Variants in PDGFD observed in about 807,000 individuals in gnomAD.
PDGFD encodes platelet derived growth factor D, also known as platelet-derived growth factor D.
PDGFD carries 30 observed loss-of-function variants against 44.7 expected under a neutral mutation model. That is an observed-to-expected ratio of 0.67 (90% CI 0.50 to 0.91). The LOEUF (loss-of-function observed/expected upper bound fraction) is 0.91, where lower values mean the gene tolerates loss of function less well. Ranked by LOEUF, PDGFD falls within the 40% of genes least tolerant of loss-of-function variation. PDGFD has a pLI of 0.00. For missense variants in PDGFD, 445 were observed against 457.8 expected, an observed-to-expected ratio of 0.97 and a Z score of 0.25; for synonymous variants, 173 against 168.4, an observed-to-expected ratio of 1.03 and a Z score of -0.21.
intron 3 of PDGFD, among the ~76,000 whole-genome samples, chr11:103,949,806 G>A (rs1290731610): frequency 1.3e-5 from 2 of 152,112 alleles, no homozygotes; most frequent in East Asian, 3.9e-4. Context: ...GTTGTACCTG[G>A]GGAGAAAGTG....
chr11:104,016,382 T>C (rs1301396895), intron 1 of PDGFD, among the ~76,000 whole-genome samples: 19 of 152,206 alleles, frequency 1.2e-4, no homozygotes, highest in Admixed American at 1.2e-3. Flanking sequence ...TATTTCTAAA[T>C]ATCTTTTTAA....
intron 3 of PDGFD, among the ~76,000 whole-genome samples, chr11:103,954,938 G>A (rs1443084404): frequency 2.6e-5 from 4 of 151,790 alleles, no homozygotes; most frequent in Admixed American, 2.6e-4. Flanking sequence ...GCCGAGGCGG[G>A]CGGATCACGA....
At chr11:103,969,108 T>C (rs1859063805) in intron 3 of PDGFD, among the ~76,000 whole-genome samples, 1 of 152,206 alleles carries the variant, frequency 6.6e-6, no homozygotes, top group African/African-American at 2.4e-5. Flanking sequence ...ACTTTCACAG[T>C]ATACTTTTTC....
intron 1 of PDGFD, among the ~76,000 whole-genome samples, chr11:104,130,976 T>C (rs1861911289): frequency 1.3e-5 from 2 of 152,200 alleles, no homozygotes. Context: ...TCATTTTGAA[T>C]TCTGATTATA....
At chr11:103,968,300 G>A (rs2134342201) in intron 3 of PDGFD, among the ~76,000 whole-genome samples, 1 of 152,260 alleles carries the variant, frequency 6.6e-6, no homozygotes, top group South Asian at 2.1e-4. Flanking sequence ...CATGAATGAT[G>A]TCTGTCTCCA....
intron 1 of PDGFD, among the ~76,000 whole-genome samples, chr11:104,084,008 ATAGATT>A (rs1565329955): frequency 6.6e-6 from 1 of 152,212 alleles, no homozygotes; most frequent in Non-Finnish European, 1.5e-5. Context: ...CAACTCCTTT[ATAGATT>A]TAAAGTTGCC....
At chr11:103,999,603 C>T (rs1859588020) in intron 2 of PDGFD, among the ~76,000 whole-genome samples, 1 of 152,188 alleles carries the variant, frequency 6.6e-6, no homozygotes, top group South Asian at 2.1e-4. Context: ...CCCCAACCAT[C>T]ATCTCCCAGT....
chr11:104,146,208 C>T (rs79881097), intron 1 of PDGFD, among the ~76,000 whole-genome samples: 189 of 152,238 alleles, frequency 1.2e-3, no homozygotes, highest in African/African-American at 4.2e-3. Flanking sequence ...CTGTGTCACA[C>T]AACATTTAAT....
chr11:104,151,308 T>C (rs1591188136), intron 1 of PDGFD, among the ~76,000 whole-genome samples: 1 of 152,212 alleles, frequency 6.6e-6, no homozygotes, highest in Admixed American at 6.5e-5. Context: ...TGGATTTTCA[T>C]GAACTTTACA....
At chr11:104,141,380 G>A (rs990239989) in intron 1 of PDGFD, among the ~76,000 whole-genome samples, 8 of 149,350 alleles carry the variant, frequency 5.4e-5, no homozygotes, top group Admixed American at 3.3e-4. Flanking sequence ...AAATTGGAAC[G>A]ATACAGAGAT....
At chr11:104,061,615 G>A (rs1448559349) in intron 1 of PDGFD, among the ~76,000 whole-genome samples, 5 of 151,944 alleles carry the variant, frequency 3.3e-5, no homozygotes, top group African/African-American at 7.3e-5. Flanking sequence ...TTTTTTGTTT[G>A]TTTTCTGTTT....
intron 1 of PDGFD, among the ~76,000 whole-genome samples, chr11:104,024,779 G>C (rs1432338860): frequency 6.6e-6 from 1 of 152,198 alleles, no homozygotes; most frequent in Admixed American, 6.5e-5. Context: ...CAATGAGATA[G>C]ATACATAGGT....
At chr11:104,053,084 T>G (rs1860566915) in intron 1 of PDGFD, among the ~76,000 whole-genome samples, 8 of 152,204 alleles carry the variant, frequency 5.3e-5, no homozygotes, top group Admixed American at 5.2e-4. Context: ...AAATACTTTC[T>G]TATTATGAAA....
At chr11:104,117,321 C>A (rs1861656986) in intron 1 of PDGFD, among the ~76,000 whole-genome samples, 1 of 151,920 alleles carries the variant, frequency 6.6e-6, no homozygotes. Flanking sequence ...AGAACTGGAA[C>A]AAGACAAGGA....
In PDGFD at chr11:103,960,544, T is replaced by C. The variant is rs75805657; in HGVS notation, c.511-12820A>G. Among the ~76,000 whole-genome samples the C allele has an allele frequency of 1.4e-3, 218 of 152,346 alleles. 5 individuals carry two copies. The East Asian group carries it at 0.033, about 23-fold the overall frequency. ...AGTCATTGAGCAAGGTGTTGGCTAA[T>C]GCATGGATGCACAGGAAGCAAAATT... On this transcript the variant is annotated intron_variant, in intron 3 of 6. Coordinates refer to ENST00000393158, the MANE Select transcript of PDGFD (RefSeq NM_025208.5).
Position 104,049,405 on chromosome 11 carries a change from C to T in PDGFD, c.125-49150G>A, listed in dbSNP as rs540439094. On this transcript the variant is annotated intron_variant, in intron 1 of 6. Transcript: ENST00000393158. ...ACGACAAAGAGAATGGTTAGGGTGG[C>T]TGAAAGAGTAATCTAGAAGGGCTAG... Among the ~76,000 whole-genome samples the T allele has an allele frequency of 3.3e-5, 5 of 152,176 alleles. No homozygotes were observed. The East Asian group carries it at 9.7e-4, about 29-fold the overall frequency.
At chr11:103,931,170 T>C (rs1248215770) in intron 5 of PDGFD, among the ~76,000 whole-genome samples, 3 of 152,200 alleles carry the variant, frequency 2.0e-5, no homozygotes, top group African/African-American at 7.2e-5. Context: ...TAAAAATCTA[T>C]TCCTTATTAA....
At chr11:103,957,130 G>T (rs1858863931) in intron 3 of PDGFD, among the ~76,000 whole-genome samples, 1 of 152,024 alleles carries the variant, frequency 6.6e-6, no homozygotes, top group South Asian at 2.1e-4. Flanking sequence ...TGAAGTCCTT[G>T]CCCATGCCTA....
intron 1 of PDGFD, among the ~76,000 whole-genome samples, chr11:104,116,121 A>C (rs575244012): frequency 1.1e-4 from 16 of 152,104 alleles, no homozygotes; most frequent in Admixed American, 8.5e-4. Context: ...CAACATCTAG[A>C]AGGGTTTTCC....
Sources: gnomAD v4.1 joint callset for allele counts (sites outside exome capture counted in the v4.1 genomes callset) on GRCh38, gnomAD v4.1.1 for gene constraint, MANE v1.5 for transcripts, NCBI Gene and HGNC (gene_info 2026-07-23, HGNC 2026-07-21) for gene names.